MYH10: variants seen among roughly 807,000 people sequenced by gnomAD.
MYH10 encodes the protein myosin-10.
MYH10 carries 55 observed loss-of-function variants against 257.8 expected under a neutral mutation model. That is an observed-to-expected ratio of 0.21 (90% CI 0.17 to 0.27). The LOEUF (loss-of-function observed/expected upper bound fraction) is 0.27. Ranked by LOEUF, MYH10 falls within the 10% of genes least tolerant of loss-of-function variation. The pLI is 1.00. For missense variants in MYH10, 1,631 were observed against 2,500.6 expected (o/e 0.65, Z 7.42); for synonymous variants, 854 against 921.7 (o/e 0.93, Z 1.33).
chr17:8,569,091 G>C lies in MYH10; in HGVS notation c.756+629C>G, dbSNP rs746074430. Among the ~76,000 whole-genome samples the C allele has an allele frequency of 2.5e-4, 38 of 151,460 alleles. No homozygotes were observed. Among genetic ancestry groups the C allele is most frequent in the Non-Finnish European group, 4.1e-4 (28 of 67,846 alleles). ...TTTTAAATTAGCCTGGTGAAGTAACGTGAGCCTGTAGTCCCGGCTCCTTGG... is the reference window on the plus strand; with the variant it reads ...TTTTAAATTAGCCTGGTGAAGTAACCTGAGCCTGTAGTCCCGGCTCCTTGG... On this transcript the variant is annotated intron_variant, in intron 7 of 42. Transcript: ENST00000360416. The surrounding 1 kb of genome is among the most constrained non-coding windows in gnomAD (Gnocchi z 4.1).
rs750211394 is a variant in MYH10, at chr17:8,493,348, A to G, written c.4210-324T>C. On this transcript the variant is annotated intron_variant, in intron 32 of 42. Transcript: ENST00000360416. ...GACAAAGTGAGACTCTATCTCAAGG[A>G]AAAAAAAAAAAGAACTCAATTGGTT... Among the ~76,000 whole-genome samples the G allele has an allele frequency of 2.8e-4, 41 of 146,032 alleles. 3 individuals are homozygous for G. The East Asian group carries it at 6.9e-3, about 25-fold the overall frequency.
At chr17:8,596,278 G>A (rs769160336) in intron 3 of MYH10, among the ~76,000 whole-genome samples, 1 of 151,100 alleles carries the variant, frequency 6.6e-6, no homozygotes, top group Non-Finnish European at 1.5e-5. Flanking sequence ...TCAGCCTCCT[G>A]AGCAGCTGGG....
At chr17:8,585,696 G>A (rs8067045) in intron 4 of MYH10, among the ~76,000 whole-genome samples, 106,471 of 151,910 alleles carry the variant, frequency 0.7, 37,447 homozygotes, top group East Asian at 0.77. Context: ...GTGGAGGTAG[G>A]TAAGTACGGG....
chr17:8,485,976 T>C (rs1914693339), intron 36 of MYH10, among the ~76,000 whole-genome samples: 1 of 152,198 alleles, frequency 6.6e-6, no homozygotes, highest in African/African-American at 2.4e-5. Flanking sequence ...ATCCACACAG[T>C]AGAGTGTTAC....
chr17:8,570,837 G>A (rs1012572011), intron 6 of MYH10, among the ~76,000 whole-genome samples: 1 of 152,066 alleles, frequency 6.6e-6, no homozygotes, highest in African/African-American at 2.4e-5. Flanking sequence ...TATGTCATCC[G>A]TACAGTTCTG....
chr17:8,525,460 C>T (rs746695808), intron 17 of MYH10, among the ~76,000 whole-genome samples: 7 of 152,256 alleles, frequency 4.6e-5, no homozygotes, highest in Non-Finnish European at 5.9e-5. Flanking sequence ...AGATGTTGGC[C>T]GGTGCCTGGT....
At chr17:8,551,993 A>AT in intron 9 of MYH10, 53 bp downstream of exon 9, 3 of 1,056,354 alleles carry the variant, frequency 2.8e-6, no homozygotes, top group Non-Finnish European at 3.9e-6. Flanking sequence ...TCAAAAAAAA[A>AT]TTAAAAGAGA....
At chr17:8,623,512 A>AAG (rs1208068717) in intron 1 of MYH10, 13 of 224,888 alleles carry the variant, frequency 5.8e-5, no homozygotes, top group Middle Eastern at 1.4e-3. Context: ...GGGCAAAAAA[A>AAG]AGAAAAGAAA....
chr17:8,621,361 C>G (rs183680657), intron 2 of MYH10, among the ~76,000 whole-genome samples: 11 of 152,076 alleles, frequency 7.2e-5, no homozygotes, highest in African/African-American at 2.2e-4. Flanking sequence ...TCCATCAGCC[C>G]CTCCCACCCA....
chr17:8,532,929 A>G (rs2082043495), intron 16 of MYH10, among the ~76,000 whole-genome samples: 2 of 152,236 alleles, frequency 1.3e-5, no homozygotes, highest in Non-Finnish European at 2.9e-5. Flanking sequence ...GGACTAAAAA[A>G]GGGTTCATAG....
rs201563118 is a variant in MYH10, at chr17:8,480,160, G to A, written c.5547C>T (p.Ala1849=). The A allele has an allele frequency of 6.2e-7, 1 of 1,614,138 alleles. No individual in the cohort carries two copies. The highest frequency in any genetic ancestry group is 8.5e-7 in the Non-Finnish European group (1 of 1,180,036). ...CCAGCTGCCCAATCTTGGCCTCCAG[G>A]GCTGAGATGGTGGCCTTGAACTTAG... ...VKSKFKATIS[A]LEAKIGQLEE... The change falls in exon 40 of 43, where the codon GCC becomes GCT. Residue 1849 remains alanine, a synonymous_variant. Transcript: ENST00000360416.
At position 8,479,707 on chromosome 17, in the gene MYH10, C is replaced by T. The variant is rs79633298; in HGVS notation, c.5597+403G>A. On this transcript the variant is annotated intron_variant, in intron 40 of 42. Transcript: ENST00000360416. The stretch of plus-strand genomic sequence containing the variant: ...TCAATTTCAGAATGCTTTAATACAA[C>T]AATATGAAAGCTGTTAAGCAATCCC... Among the ~76,000 whole-genome samples, 660 of 152,338 alleles carry T rather than the reference C, an allele frequency of 4.3e-3. 2 individuals carry two copies. The highest frequency in any genetic ancestry group is 0.015 in the African/African-American group (624 of 41,564).
chr17:8,480,349 T>G (rs773332599), intron 39 of MYH10, 31 bp from the exon 40 acceptor site: 2 of 1,613,254 alleles, frequency 1.2e-6, no homozygotes, highest in South Asian at 2.2e-5. Flanking sequence ...TAGTCACTTG[T>G]GCCTGAGGGG....
rs1915014441 is a variant in MYH10 at position 8,487,358 on chromosome 17, C to T, written c.5046+75G>A. 3 of 1,558,812 alleles carry T rather than the reference C, an allele frequency of 1.9e-6. No homozygotes were observed. In the Admixed American group the frequency reaches 5.1e-5, roughly 27 times the overall value. On this transcript the variant is annotated intron_variant, in intron 36 of 42. Transcript: ENST00000360416. The stretch of plus-strand genomic sequence containing the variant: ...ACAGCGGTGCTGTGCCCCCCAGCTT[C>T]ACTGCTGGACTCTGTGTAAAAGCCA...
rs1418057889 is a variant in MYH10, at chr17:8,623,242, G to A, written c.5C>T (p.Ala2Val). 6.3e-7 allele frequency: 1 copy of A among 1,575,316 alleles called. No homozygotes were observed. The highest frequency in any genetic ancestry group is 8.6e-7 in the Non-Finnish European group (1 of 1,164,278). MAQRTGLEDPER... is the reference protein window; with the variant it reads MVQRTGLEDPER... ...TGGATCCTCGAGTCCAGTTCTCTGC[G>A]CCATTGTAAATGGAACGATCCAAAA... Residue 2 changes from alanine (A) to valine (V), a missense_variant, in exon 2 of 43, where the codon GCG (alanine) becomes GTG (valine). Physicochemically the swap from Ala to Val is moderately conservative, Grantham distance 64. This residue lies in a region of MYH10 where 360 missense variants were observed against 581.9 expected (regional missense o/e 0.62). Transcript: ENST00000360416.
chr17:8,555,808 A>T (rs1187201501), intron 7 of MYH10, among the ~76,000 whole-genome samples: 2 of 152,252 alleles, frequency 1.3e-5, no homozygotes, highest in Non-Finnish European at 2.9e-5. Context: ...ATCAAAATTT[A>T]AAACTTTTAT....
intron 11 of MYH10, among the ~76,000 whole-genome samples, chr17:8,547,339 T>C (rs1056326778): frequency 3.3e-5 from 5 of 152,012 alleles, no homozygotes; most frequent in African/African-American, 1.2e-4. Flanking sequence ...TATTTAACCA[T>C]GGAAAAGCCA....
intron 14 of MYH10, 54 bp downstream of exon 14, chr17:8,542,053 A>G: frequency 1.3e-6 from 2 of 1,539,502 alleles, no homozygotes; most frequent in Non-Finnish European, 1.8e-6. Context: ...TATGCCACTT[A>G]AGGTCACTGC....
At chr17:8,532,139 C>A (rs1324907438) in intron 16 of MYH10, among the ~76,000 whole-genome samples, 1 of 152,216 alleles carries the variant, frequency 6.6e-6, no homozygotes, top group African/African-American at 2.4e-5. Context: ...GCACCTCCTG[C>A]TAAGAGCAGC....
Sources: gnomAD v4.1 joint callset for allele counts (sites outside exome capture counted in the v4.1 genomes callset) on GRCh38, gnomAD v4.1.1 for gene constraint, gnomAD v4.1.1 regional missense constraint, Gnocchi (gnomAD v3.1) non-coding constraint, MANE v1.5 for transcripts, NCBI Gene and HGNC (gene_info 2026-07-23, HGNC 2026-07-21) for gene names.